The following SLCO1C1 variants were observed in gnomAD, a reference collection of about 807,000 sequenced individuals.
SLCO1C1 encodes the protein OAT-RP-5.
A neutral mutation model predicts 76.4 loss-of-function variants in SLCO1C1; 70 were observed. That is an observed-to-expected ratio of 0.92 (90% confidence interval 0.76 to 1.12). SLCO1C1 has a LOEUF of 1.12. Ranked by LOEUF, SLCO1C1 falls within the 50% of genes most tolerant of loss-of-function variation. The probability of loss-of-function intolerance (pLI) is 0.00; values close to 1 mark genes in which losing one functional copy is unlikely to be tolerated. For missense variants in SLCO1C1, 912 were observed against 823.8 expected, an observed-to-expected ratio of 1.11 and a Z score of -1.31; for synonymous variants, 306 against 286.1, an observed-to-expected ratio of 1.07 and a Z score of -0.70.
At chr12:20,738,085 A>G (rs138647025) in intron 11 of SLCO1C1, among the ~76,000 whole-genome samples, 3 of 152,034 alleles carry the variant, frequency 2.0e-5, no homozygotes, top group Non-Finnish European at 4.4e-5. Context: ...GTCTCTTCTT[A>G]TAAGGGCACT....
intron 2 of SLCO1C1, among the ~76,000 whole-genome samples, chr12:20,700,835 CA>C (rs1946488120): frequency 6.6e-6 from 1 of 151,954 alleles, no homozygotes; most frequent in African/African-American, 2.4e-5. Context: ...AACATAAACA[CA>C]AGGAATAATA....
In SLCO1C1 at chr12:20,740,787, TTATA is replaced by T. The variant is rs71039980; in HGVS notation, c.1733+447_1733+450del. ...ACAACAATGTTAGAATTTATTTTAT[TTATA>T]TATATATATATATATATATATATAT... On this transcript the variant is annotated intron_variant, in intron 12 of 14. Transcript: ENST00000266509. Among the ~76,000 whole-genome samples the T allele has an allele frequency of 1.1e-3, 83 of 75,072 alleles. 1 individual carries two copies. Among genetic ancestry groups the T allele is most frequent in the African/African-American group, 3.7e-3 (69 of 18,430 alleles). 49.3% of individuals were successfully genotyped at this position (75,072 alleles called of 152,430 possible).
chr12:20,751,108 G>T (rs551994679), intron 14 of SLCO1C1, among the ~76,000 whole-genome samples: 21 of 152,096 alleles, frequency 1.4e-4, no homozygotes, highest in Non-Finnish European at 2.2e-4. Flanking sequence ...AAATTCAGAG[G>T]CATTTAAATT....
At chr12:20,721,102 C>A (rs1326823016) in intron 7 of SLCO1C1, among the ~76,000 whole-genome samples, 1 of 151,208 alleles carries the variant, frequency 6.6e-6, no homozygotes, top group South Asian at 2.1e-4. Flanking sequence ...GATGAAGATG[C>A]TGTGAACATT....
intron 13 of SLCO1C1, among the ~76,000 whole-genome samples, chr12:20,746,840 GA>G (rs548573782): frequency 1.1e-3 from 168 of 150,306 alleles, no homozygotes; most frequent in African/African-American, 3.9e-3. Flanking sequence ...CCATTAGTAA[GA>G]AAAAAAGTGA....
chr12:20,742,762 G>C (rs1948880396), intron 12 of SLCO1C1, among the ~76,000 whole-genome samples: 2 of 148,826 alleles, frequency 1.3e-5, no homozygotes, highest in Admixed American at 1.3e-4. Context: ...GGATGGTCTT[G>C]ATCTCCTGAC....
chr12:20,701,533 A>C (rs1946526113), intron 3 of SLCO1C1, 74 bp downstream of exon 3: 2 of 1,160,582 alleles, frequency 1.7e-6, no homozygotes, highest in African/African-American at 3.2e-5. Flanking sequence ...CACCTTCTGC[A>C]TTCTATTGTC....
chr12:20,717,202 A>G lies in SLCO1C1; in HGVS notation c.747A>G (p.Leu249=). The G allele has an allele frequency of 7.5e-6, 12 of 1,591,006 alleles. 1 individual carries two copies. The South Asian group carries it at 1.4e-4, about 19-fold the overall frequency. ...GFLLGSLCAK[L]YVDIGFVNLD... ...TGTTAGGCTCATTATGTGCCAAACT[A>G]TATGTTGACATTGGCTTTGTAAACC... Residue 249 remains leucine (L), a synonymous_variant, in exon 7 of 15, where the codon CTA becomes CTG. Coordinates refer to ENST00000266509, the MANE Select transcript of SLCO1C1 (RefSeq NM_017435.5).
chr12:20,705,984 G>A lies in SLCO1C1; in HGVS notation c.307G>A (p.Gly103Arg), dbSNP rs750474101. ...LLVITFVSYF[G>R]AKLHRPKIIG... Reference sequence around the variant, plus strand: ...AGTTATAACATTTGTTAGCTACTTTGGAGCCAAACTTCACAGGCCAAAAAT... The same window carrying A: ...AGTTATAACATTTGTTAGCTACTTTAGAGCCAAACTTCACAGGCCAAAAAT... Residue 103 changes from glycine to arginine, a missense_variant, in exon 4 of 15, where the codon GGA (glycine) becomes AGA (arginine). Gly to Arg is a moderately radical substitution (Grantham distance 125, BLOSUM62 -2). Coordinates refer to ENST00000266509, the MANE Select transcript of SLCO1C1 (RefSeq NM_017435.5). 33 of 1,613,204 alleles carry A rather than the reference G, an allele frequency of 2.0e-5. No homozygotes were observed. The highest frequency in any genetic ancestry group is 2.7e-5 in the Non-Finnish European group (32 of 1,179,456).
intron 2 of SLCO1C1, 110 bp downstream of exon 2, chr12:20,699,815 A>G (rs894436466): frequency 6.7e-6 from 8 of 1,193,252 alleles, no homozygotes; most frequent in African/African-American, 3.2e-5. Flanking sequence ...AAAAAAAAAA[A>G]GATCTTAGAT....
chr12:20,723,832 G>A (rs11045410), intron 9 of SLCO1C1, among the ~76,000 whole-genome samples: 62 of 152,000 alleles, frequency 4.1e-4, no homozygotes, highest in African/African-American at 1.4e-3. Flanking sequence ...TTTAATCCAT[G>A]AACATGTCAT....
chr12:20,701,566 TA>T, intron 3 of SLCO1C1, 107 bp downstream of exon 3: 1 of 679,620 alleles, frequency 1.5e-6, no homozygotes, highest in Non-Finnish European at 2.0e-6. Flanking sequence ...ACTCTATTCA[TA>T]AAATCTTTTT....
chr12:20,713,168 C>T (rs1468755597), intron 5 of SLCO1C1, among the ~76,000 whole-genome samples: 2 of 151,118 alleles, frequency 1.3e-5, no homozygotes, highest in Middle Eastern at 3.4e-3. Context: ...CAAGCTCCGC[C>T]TCCCGGGTTC....
At chr12:20,734,081 C>T (rs1948427844) in intron 10 of SLCO1C1, among the ~76,000 whole-genome samples, 1 of 152,188 alleles carries the variant, frequency 6.6e-6, no homozygotes, top group Non-Finnish European at 1.5e-5. Flanking sequence ...ACACTATATT[C>T]TGTTTCCTGC....
rs535478307 is a variant in SLCO1C1 at position 20,729,790 on chromosome 12, A to G, written c.1187-3119A>G. 3.3e-5 allele frequency among the ~76,000 whole-genome samples: 5 copies of G among 152,156 alleles called. No individual in the cohort carries two copies. In the East Asian group the frequency reaches 9.7e-4, roughly 30 times the overall value. The stretch of plus-strand genomic sequence containing the variant: ...AAGTATTAAAAGATGAAAGTGTGAG[A>G]AAGAGGGTAGAGGTTTTTATCAGTC... On this transcript the variant is annotated intron_variant, in intron 9 of 14. Coordinates refer to ENST00000266509, the MANE Select transcript of SLCO1C1 (RefSeq NM_017435.5).
intron 9 of SLCO1C1, among the ~76,000 whole-genome samples, chr12:20,725,732 C>T (rs999627403): frequency 6.6e-6 from 1 of 151,008 alleles, no homozygotes; most frequent in African/African-American, 2.4e-5. Context: ...CCAAAACACA[C>T]GGAAGTTGTG....
chr12:20,730,898 G>A (rs1450357959), intron 9 of SLCO1C1, among the ~76,000 whole-genome samples: 3 of 152,096 alleles, frequency 2.0e-5, no homozygotes, highest in African/African-American at 7.2e-5. Context: ...AGTGGGCCAG[G>A]GGGCTGCCGG....
intron 12 of SLCO1C1, 145 bp downstream of exon 12, chr12:20,740,513 A>G: frequency 2.9e-6 from 2 of 693,918 alleles, no homozygotes; most frequent in Non-Finnish European, 4.6e-6. Flanking sequence ...TTTTATATAT[A>G]TCGCACTTTG....
intron 5 of SLCO1C1, among the ~76,000 whole-genome samples, chr12:20,711,791 T>C (rs1194632397): frequency 6.6e-6 from 1 of 152,222 alleles, no homozygotes; most frequent in African/African-American, 2.4e-5. Flanking sequence ...GAAAGCAGGG[T>C]GAAACTAGTT....
Sources: allele counts gnomAD v4.1 joint callset (sites outside exome capture counted in the v4.1 genomes callset), GRCh38; gene constraint gnomAD v4.1.1; transcripts MANE v1.5; gene names NCBI Gene and HGNC (gene_info 2026-07-23, HGNC 2026-07-21).